OR56A1: variants seen among roughly 807,000 people sequenced by gnomAD.
OR56A1 encodes the protein olfactory receptor 56A1.
For synonymous variants in OR56A1, 174 were observed against 159.1 expected (o/e 1.09, Z -0.70); for missense variants, 360 against 380.9 (o/e 0.94, Z 0.46).
At chr11:6,029,465 C>T (rs998929602) in intron 1 of OR56A1, among the ~76,000 whole-genome samples, 5 of 152,114 alleles carry the variant, frequency 3.3e-5, no homozygotes, top group African/African-American at 1.2e-4. Context: ...CAAGCATTTA[C>T]ACTCACTGTC....
In OR56A1 at chr11:6,021,528, G is replaced by T. The variant is rs1848396215; in HGVS notation, c.*5220C>A. On this transcript the variant is annotated 3_prime_UTR_variant, in exon 2 of 2. Transcript: ENST00000641900. ...AATTATTATGTATCAATTTTAAAAT[G>T]AATAATTAAATAAAAAATTATTTAA... is the stretch of plus-strand genomic sequence containing the variant. 1.3e-5 allele frequency: 2 copies of T among 151,846 alleles called. No homozygotes were observed. Among genetic ancestry groups the T allele is most frequent in the Non-Finnish European group, 2.9e-5 (2 of 67,912 alleles). The allele number at this position is 151,846 out of a possible 1,614,324, so 9.4% of individuals were successfully genotyped here. A position where few individuals can be genotyped will look rare whatever the true frequency, so the allele number is the denominator to read the frequency against.
chr11:6,022,246 T>G lies in OR56A1; in HGVS notation c.*4502A>C, dbSNP rs1848404383. The G allele has an allele frequency of 6.6e-6, 1 of 152,128 alleles. No individual in the cohort carries two copies. Among genetic ancestry groups the G allele is most frequent in the East Asian group, 1.9e-4 (1 of 5,188 alleles). 9.4% of individuals were successfully genotyped at this position (152,128 alleles called of 1,614,324 possible). A position where few individuals can be genotyped will look rare whatever the true frequency, so the allele number is the denominator to read the frequency against. On this transcript the variant is annotated 3_prime_UTR_variant, in exon 2 of 2. Transcript: ENST00000641900. ...GCCCTAAAGCTTACAAAATCCTGCA[T>G]ATTCTTTCTCTTTCTGGCTTGCCAC...
In OR56A1 at chr11:6,022,522, T is replaced by A. The variant is rs763404233; in HGVS notation, c.*4226A>T. The A allele has an allele frequency of 1.3e-5, 2 of 152,146 alleles. No homozygotes were observed. The highest frequency in any genetic ancestry group is 2.9e-5 in the Non-Finnish European group (2 of 68,004). The allele number at this position is 152,146 out of a possible 1,614,324, so 9.4% of individuals were successfully genotyped here. A position where few individuals can be genotyped will look rare whatever the true frequency, so the allele number is the denominator to read the frequency against. On this transcript the variant is annotated 3_prime_UTR_variant, in exon 2 of 2. Transcript: ENST00000641900. Reference sequence around the variant, plus strand: ...TGTACTCTGCCTTTGATATCTATAATCTGGAGTATGAAAAACTTAGGAAAC... The same window carrying A: ...TGTACTCTGCCTTTGATATCTATAAACTGGAGTATGAAAAACTTAGGAAAC...
chr11:6,027,129 G>A lies in OR56A1; in HGVS notation c.564C>T (p.Ser188=). The part of the protein sequence containing the change: ...ENCICANLSV[S]RLSCDNFTLN... ...GGGTGAAATTATCACAGGAGAGCCTGGACACAGACAAGTTGGCACAGATGC... is the reference window on the plus strand; with the variant it reads ...GGGTGAAATTATCACAGGAGAGCCTAGACACAGACAAGTTGGCACAGATGC... The change falls in exon 2 of 2, where the codon TCC becomes TCT. Residue 188 remains serine, a synonymous_variant. Coordinates refer to ENST00000641900, the MANE Select transcript of OR56A1 (RefSeq NM_001388488.1). 34 of 1,614,108 alleles carry A rather than the reference G, an allele frequency of 2.1e-5. No homozygotes were observed. Among genetic ancestry groups the A allele is most frequent in the Non-Finnish European group, 2.8e-5 (33 of 1,179,958 alleles).
chr11:6,024,741 T>C lies in OR56A1; in HGVS notation c.*2007A>G, dbSNP rs1207101459. On this transcript the variant is annotated 3_prime_UTR_variant, in exon 2 of 2. Transcript: ENST00000641900. ...AAATCAGTGGTGAAGTTGGCCTTTA[T>C]ATCATCTAAGGGACAATAGGAAAAC... 1 of 152,206 alleles carries C rather than the reference T, an allele frequency of 6.6e-6. No homozygotes were observed. The highest frequency in any genetic ancestry group is 1.5e-5 in the Non-Finnish European group (1 of 68,026). The allele number at this position is 152,206 out of a possible 1,614,324, so 9.4% of individuals were successfully genotyped here. A position where few individuals can be genotyped will look rare whatever the true frequency, so the allele number is the denominator to read the frequency against.
In OR56A1 at chr11:6,026,608, A is replaced by C. The variant is rs1848449711; in HGVS notation, c.*140T>G. The C allele has an allele frequency of 1.7e-6, 1 of 600,388 alleles. No homozygotes were observed. The highest frequency in any genetic ancestry group is 3.3e-5 in the Admixed American group (1 of 30,232). The allele number at this position is 600,388 out of a possible 1,614,324, so 37.2% of individuals were successfully genotyped here. ...TCCACCTGAACTAGGCAAGGAAAGT[A>C]AAGGAAGGAATCTGGTTCAGTAATG... On this transcript the variant is annotated 3_prime_UTR_variant, in exon 2 of 2. Transcript: ENST00000641900.
At chr11:6,031,928 G>A (rs1848516461), upstream of OR56A1, among the ~76,000 whole-genome samples, 1 of 152,046 alleles carries the variant, frequency 6.6e-6, no homozygotes, top group Admixed American at 6.6e-5. Flanking sequence ...TAAATGGAAG[G>A]GCTAGAAAGG....
rs1198060053 is a variant in OR56A1, at chr11:6,026,909, C to A, written c.784G>T (p.Val262Leu). 2.5e-6 allele frequency: 4 copies of A among 1,614,060 alleles called. No individual in the cohort carries two copies. In the Admixed American group the frequency reaches 6.7e-5, roughly 27 times the overall value. ...LFFSTILLVV[V>L]LTNVARKKVP... ...TTCTTTCTGGCCACGTTTGTCAACA[C>A]CACAACCAGCAGTATGGTGCTGAAG... is the stretch of plus-strand genomic sequence containing the variant. The change falls in exon 2 of 2, where the codon GTG (valine) becomes TTG (leucine). Residue 262 changes from valine (V) to leucine (L), a missense_variant. Physicochemically the swap from Val to Leu is conservative, Grantham distance 32 (BLOSUM62 1). Coordinates refer to ENST00000641900, the MANE Select transcript of OR56A1 (RefSeq NM_001388488.1).
chr11:6,031,690 T>C (rs1245325302), upstream of OR56A1, among the ~76,000 whole-genome samples: 1 of 152,166 alleles, frequency 6.6e-6, no homozygotes, highest in Non-Finnish European at 1.5e-5. Flanking sequence ...TGAGTAAGAT[T>C]AGTGTGTACT....
intron 1 of OR56A1, among the ~76,000 whole-genome samples, chr11:6,029,799 C>A (rs571360289): frequency 6.6e-6 from 1 of 152,184 alleles, no homozygotes; most frequent in South Asian, 2.1e-4. Context: ...TCTGTTTTCC[C>A]TTCTTCCACT....
In OR56A1 at chr11:6,027,628, T is replaced by C. The variant is rs372540426; in HGVS notation, c.65A>G (p.Asn22Ser). The change falls in exon 2 of 2, where the codon AAC becomes AGC. Residue 22 changes from asparagine to serine, a missense_variant. Asn to Ser is a conservative substitution (Grantham distance 46, BLOSUM62 1). Transcript: ENST00000641900. ...VSEFLLICFP[N>S]FQSWQHWLSL... ...GAGCCAGTGCTGCCAACTCTGGAAGTTGGGGAAGCAGATGAGGAGGAATTC... is the reference window on the plus strand; with the variant it reads ...GAGCCAGTGCTGCCAACTCTGGAAGCTGGGGAAGCAGATGAGGAGGAATTC... 4 of 1,612,856 alleles carry C rather than the reference T, an allele frequency of 2.5e-6. No homozygotes were observed. Among genetic ancestry groups the C allele is most frequent in the African/African-American group, 1.3e-5 (1 of 74,958 alleles).
Position 6,020,949 on chromosome 11 carries a change from T to C in OR56A1, c.*5799A>G, listed in dbSNP as rs1288676182. 6.6e-6 allele frequency: 1 copy of C among 152,098 alleles called. No individual in the cohort carries two copies. The highest frequency in any genetic ancestry group is 1.9e-4 in the East Asian group (1 of 5,202). 9.4% of individuals were successfully genotyped at this position (152,098 alleles called of 1,614,324 possible). ...GAGGTCAAAAGTTAAGAGAAAATTT[T>C]AGAATTTCTTTGAGTAAAGAAGACT... On this transcript the variant is annotated 3_prime_UTR_variant, in exon 2 of 2. Coordinates refer to ENST00000641900, the MANE Select transcript of OR56A1 (RefSeq NM_001388488.1).
Position 6,026,595 on chromosome 11 carries a change from A to G in OR56A1, c.*153T>C. 1 of 579,568 alleles carries G rather than the reference A, an allele frequency of 1.7e-6. No individual in the cohort carries two copies. 35.9% of individuals were successfully genotyped at this position (579,568 alleles called of 1,614,324 possible). ...CCCCTTGCCTACCTCCACCTGAACTAGGCAAGGAAAGTAAAGGAAGGAATC... is the reference window on the plus strand; with the variant it reads ...CCCCTTGCCTACCTCCACCTGAACTGGGCAAGGAAAGTAAAGGAAGGAATC... On this transcript the variant is annotated 3_prime_UTR_variant, in exon 2 of 2. Transcript: ENST00000641900.
At chr11:6,030,467 A>AAAGG (rs1848501745) in intron 1 of OR56A1, among the ~76,000 whole-genome samples, 1 of 152,038 alleles carries the variant, frequency 6.6e-6, no homozygotes, top group Non-Finnish European at 1.5e-5. Flanking sequence ...CTACATTATG[A>AAAGG]AAGGAAGGAA....
rs1848408259 is a variant in OR56A1, at chr11:6,022,572, A to T, written c.*4176T>A. The T allele has an allele frequency of 6.6e-6, 1 of 152,182 alleles. No individual in the cohort carries two copies. The highest frequency in any genetic ancestry group is 2.4e-5 in the African/African-American group (1 of 41,446). The allele number at this position is 152,182 out of a possible 1,614,324, so 9.4% of individuals were successfully genotyped here. A position where few individuals can be genotyped will look rare whatever the true frequency, so the allele number is the denominator to read the frequency against. On this transcript the variant is annotated 3_prime_UTR_variant, in exon 2 of 2. Coordinates refer to ENST00000641900, the MANE Select transcript of OR56A1 (RefSeq NM_001388488.1). ...CTACAAAGCTATCCAGTGAAAGATT[A>T]AAAATATACCTCAATCCCTAGACTC...
chr11:6,030,437 A>G (rs1380061558), intron 1 of OR56A1, among the ~76,000 whole-genome samples: 1 of 152,072 alleles, frequency 6.6e-6, no homozygotes, highest in Non-Finnish European at 1.5e-5. Context: ...ATAGATTGCT[A>G]GGTACACATA....
In OR56A1 at chr11:6,020,458, A is replaced by T. The variant is rs1003168776; in HGVS notation, c.*6290T>A. 2 of 152,220 alleles carry T rather than the reference A, an allele frequency of 1.3e-5. No individual in the cohort carries two copies. Among genetic ancestry groups the T allele is most frequent in the Non-Finnish European group, 2.9e-5 (2 of 67,966 alleles). 9.4% of individuals were successfully genotyped at this position (152,220 alleles called of 1,614,324 possible). A position where few individuals can be genotyped will look rare whatever the true frequency, so the allele number is the denominator to read the frequency against. On this transcript the variant is annotated 3_prime_UTR_variant, in exon 2 of 2. Transcript: ENST00000641900. ...ATCCATGAGCACGGGATGTCTGTCC[A>T]TTAGTTTGTATCTCCTCTGATTTCT...
In OR56A1 at chr11:6,026,992, T is replaced by A; in HGVS notation, c.701A>T (p.Glu234Val). The stretch of plus-strand genomic sequence containing the variant: ...GCTCAGGGCCTTCACTGCCGCCCCC[T>A]CTGCTTTGAATCTAAGCACAGCTCT... ...ILRAVLRFKAEGAAVKALSTC... is the reference protein window; with the variant it reads ...ILRAVLRFKAVGAAVKALSTC... Residue 234 changes from glutamate to valine, a missense_variant, in exon 2 of 2, where the codon GAG (glutamate) becomes GTG (valine). Transcript: ENST00000641900. 1 of 1,614,068 alleles carries A rather than the reference T, an allele frequency of 6.2e-7. No homozygotes were observed. The highest frequency in any genetic ancestry group is 8.5e-7 in the Non-Finnish European group (1 of 1,179,936).
In OR56A1 at chr11:6,026,819, G is replaced by T; in HGVS notation, c.874C>A (p.Pro292Thr). Residue 292 changes from proline to threonine, a missense_variant, in exon 2 of 2, where the codon CCT (proline) becomes ACT (threonine). Transcript: ENST00000641900. ...LHHLIPPALN[P>T]IVYGVRTKEI... ...TTGGTCCGAACCCCATACACAATAG[G>T]GTTCAATGCAGGAGGAATAAGGTGA... The T allele has an allele frequency of 6.2e-7, 1 of 1,614,082 alleles. No individual in the cohort carries two copies. The highest frequency in any genetic ancestry group is 8.5e-7 in the Non-Finnish European group (1 of 1,179,938).
Sources: allele counts gnomAD v4.1 joint callset (sites outside exome capture counted in the v4.1 genomes callset), GRCh38; gene constraint gnomAD v4.1.1; transcripts MANE v1.5; gene names NCBI Gene and HGNC (gene_info 2026-07-23, HGNC 2026-07-21).